The following DLGAP2 variants were observed in gnomAD, a reference collection of about 807,000 sequenced individuals.
DLGAP2 encodes disks large-associated protein 2.
DLGAP2 carries 26 observed loss-of-function variants against 100.3 expected under a neutral mutation model. The ratio of observed to expected loss-of-function variants is 0.26; its 90% CI spans 0.19 to 0.36. The LOEUF (loss-of-function observed/expected upper bound fraction) is 0.36, where lower values mean the gene tolerates loss of function less well. DLGAP2 is among the 10% of genes least tolerant of loss of function. DLGAP2 has a pLI of 1.00. For synonymous variants in DLGAP2, 886 were observed against 630.1 expected, an observed-to-expected ratio of 1.41 and a Z score of -6.08; for missense variants, 1,858 against 1,453.2, an observed-to-expected ratio of 1.28 and a Z score of -4.53.
At chr8:1,342,065 C>T (rs1801430934) in intron 3 of DLGAP2, among the ~76,000 whole-genome samples, 1 of 152,064 alleles carries the variant, frequency 6.6e-6, no homozygotes, top group South Asian at 2.1e-4. Flanking sequence ...ATTCTCTCAC[C>T]TCAGCTTCCC....
chr8:1,101,089 G>A (rs370513937), intron 2 of DLGAP2, among the ~76,000 whole-genome samples: 1 of 152,194 alleles, frequency 6.6e-6, no homozygotes, highest in East Asian at 1.9e-4. Context: ...GGGCTAGAAG[G>A]GCCTGAACGG....
At chr8:1,011,235 C>T (rs949943542) in intron 2 of DLGAP2, among the ~76,000 whole-genome samples, 45 of 150,426 alleles carry the variant, frequency 3.0e-4, no homozygotes, top group Non-Finnish European at 4.3e-4. Flanking sequence ...TGAGGGGTCT[C>T]AGTCTACACA....
intron 6 of DLGAP2, among the ~76,000 whole-genome samples, chr8:1,624,883 C>G (rs1340225979): frequency 2.0e-5 from 3 of 151,724 alleles, no homozygotes; most frequent in African/African-American, 7.3e-5. Flanking sequence ...CTCTCTCTCT[C>G]TCTTTCCTTT....
intron 2 of DLGAP2, among the ~76,000 whole-genome samples, chr8:1,198,781 T>G (rs560942118): frequency 3.6e-4 from 55 of 152,306 alleles, no homozygotes; most frequent in African/African-American, 1.3e-3. Context: ...GCTTCCCCTT[T>G]CCCTCGGGAG....
intron 3 of DLGAP2, among the ~76,000 whole-genome samples, chr8:1,373,111 G>T (rs539175209): frequency 1.3e-5 from 2 of 151,916 alleles, no homozygotes; most frequent in African/African-American, 2.4e-5. Context: ...CTCCGTGCCT[G>T]GGGGGGCGCC....
intron 3 of DLGAP2, among the ~76,000 whole-genome samples, chr8:1,288,158 G>A (rs1166910167): frequency 1.4e-5 from 2 of 141,558 alleles, no homozygotes; most frequent in Non-Finnish European, 3.0e-5. Context: ...GTGTGTGTGT[G>A]TTTCTGTTAG....
At chr8:799,747 C>T (rs1430464068) in intron 1 of DLGAP2, among the ~76,000 whole-genome samples, 1 of 152,092 alleles carries the variant, frequency 6.6e-6, no homozygotes, top group Non-Finnish European at 1.5e-5. Flanking sequence ...TGGGTGCACG[C>T]CCCCACATCC....
intron 2 of DLGAP2, among the ~76,000 whole-genome samples, chr8:1,071,639 G>A (rs568665873): frequency 2.0e-5 from 3 of 152,190 alleles, no homozygotes; most frequent in African/African-American, 4.8e-5. Flanking sequence ...TAGTGATACC[G>A]ATTTTTAAGC....
intron 2 of DLGAP2, among the ~76,000 whole-genome samples, chr8:1,040,811 G>A (rs909921536): frequency 1.3e-5 from 2 of 152,206 alleles, no homozygotes; most frequent in Admixed American, 6.5e-5. Flanking sequence ...GCGCAGAGTC[G>A]TGGCCCCTTC....
At chr8:1,479,342 T>G (rs1241993146) in intron 3 of DLGAP2, among the ~76,000 whole-genome samples, 1 of 152,224 alleles carries the variant, frequency 6.6e-6, no homozygotes, top group African/African-American at 2.4e-5. Flanking sequence ...CAAGCTTTCA[T>G]CCCTCAGGCA....
In DLGAP2 at chr8:737,637, G is replaced by C. The variant is rs1352575141; in HGVS notation, c.-171G>C. The C allele has an allele frequency of 1.7e-5, 6 of 346,468 alleles. No homozygotes were observed. Among genetic ancestry groups the C allele is most frequent in the Non-Finnish European group, 5.2e-6 (1 of 192,796 alleles). 21.5% of individuals were successfully genotyped at this position (346,468 alleles called of 1,614,324 possible). A position where few individuals can be genotyped will look rare whatever the true frequency, so the allele number is the denominator to read the frequency against. On this transcript the variant is annotated 5_prime_UTR_variant, in exon 1 of 15. Transcript: ENST00000637795. ...CAGGCGCCGGCCGTGAAGACCGACC[G>C]TGCGCCGGGCTCGAGCGCGGTCTGA... is the stretch of plus-strand genomic sequence containing the variant.
At chr8:739,322 A>G (rs1300310296) in intron 1 of DLGAP2, 1 of 152,250 alleles carries the variant, frequency 6.6e-6, no homozygotes, top group East Asian at 1.9e-4. Context: ...GGAGCCCGAC[A>G]ATCCGCCCTG....
At chr8:1,443,365 C>T (rs932854192) in intron 3 of DLGAP2, among the ~76,000 whole-genome samples, 2 of 151,854 alleles carry the variant, frequency 1.3e-5, no homozygotes, top group African/African-American at 4.8e-5. Flanking sequence ...GAGATAATCG[C>T]GGGTAACATT....
At chr8:1,463,547 G>C (rs967196665) in intron 3 of DLGAP2, among the ~76,000 whole-genome samples, 1 of 152,254 alleles carries the variant, frequency 6.6e-6, no homozygotes, top group Non-Finnish European at 1.5e-5. Flanking sequence ...CCTGCCCCGG[G>C]TGGCCCCGAG....
At chr8:1,325,901 T>C (rs546739338) in intron 3 of DLGAP2, among the ~76,000 whole-genome samples, 2 of 152,324 alleles carry the variant, frequency 1.3e-5, no homozygotes, top group East Asian at 3.9e-4. Context: ...TTCTATTTTG[T>C]AATCTTTATT....
At chr8:1,105,957 A>T (rs538141620) in intron 2 of DLGAP2, among the ~76,000 whole-genome samples, 2 of 145,106 alleles carry the variant, frequency 1.4e-5, no homozygotes, top group African/African-American at 5.2e-5. Flanking sequence ...GAAGGGAACC[A>T]TTCTAGGAGG....
chr8:771,432 G>T (rs1393969424), intron 1 of DLGAP2, among the ~76,000 whole-genome samples: 2 of 152,168 alleles, frequency 1.3e-5, no homozygotes, highest in Non-Finnish European at 2.9e-5. Context: ...TTCCTAAAAG[G>T]GTTTTATCCT....
At chr8:903,898 A>T (rs962555467) in intron 1 of DLGAP2, among the ~76,000 whole-genome samples, 2 of 152,136 alleles carry the variant, frequency 1.3e-5, no homozygotes, top group African/African-American at 4.8e-5. Context: ...CCCAGCTCAG[A>T]CTCACATTCG....
chr8:1,575,758 G>A (rs1802944589), intron 6 of DLGAP2, among the ~76,000 whole-genome samples: 1 of 151,360 alleles, frequency 6.6e-6, no homozygotes, highest in African/African-American at 2.4e-5. Flanking sequence ...TCAGAATGAT[G>A]GTTTCTAGCT....
Sources: allele counts gnomAD v4.1 joint callset (sites outside exome capture counted in the v4.1 genomes callset), GRCh38; gene constraint gnomAD v4.1.1; transcripts MANE v1.5; gene names NCBI Gene and HGNC (gene_info 2026-07-23, HGNC 2026-07-21).